Variants in FRMD4B observed in about 807,000 individuals in gnomAD.
FRMD4B encodes the protein FERM domain containing 4B.
A neutral mutation model predicts 141.5 loss-of-function variants in FRMD4B; 74 were observed. The observed-to-expected ratio is 0.52, with a 90% CI of 0.43 to 0.63. The LOEUF (loss-of-function observed/expected upper bound fraction) is 0.63. Among genes scored for constraint, FRMD4B ranks in the 30% least tolerant of loss-of-function variants. The pLI is 0.00. For synonymous variants in FRMD4B, 506 were observed against 467.9 expected, an observed-to-expected ratio of 1.08 and a Z score of -1.05; for missense variants, 1,366 against 1,253.4, an observed-to-expected ratio of 1.09 and a Z score of -1.36.
chr3:69,399,014 C>T (rs1399838829), intron 2 of FRMD4B, among the ~76,000 whole-genome samples: 1 of 151,896 alleles, frequency 6.6e-6, no homozygotes, highest in Non-Finnish European at 1.5e-5. Context: ...AGAAGTCATT[C>T]AAGGCACCAT....
chr3:69,440,819 T>C (rs1369282769), intron 1 of FRMD4B, among the ~76,000 whole-genome samples: 2 of 152,012 alleles, frequency 1.3e-5, no homozygotes, highest in Non-Finnish European at 2.9e-5. Context: ...AAAAAAAAAA[T>C]TCTTGAATAC....
chr3:69,224,155 C>T (rs1040388652), intron 8 of FRMD4B, among the ~76,000 whole-genome samples: 4 of 152,098 alleles, frequency 2.6e-5, no homozygotes, highest in African/African-American at 9.7e-5. Flanking sequence ...CACTAATGTA[C>T]AAACAACTAA....
chr3:69,329,295 A>T (rs1301210673), intron 1 of FRMD4B, among the ~76,000 whole-genome samples: 3 of 152,156 alleles, frequency 2.0e-5, no homozygotes, highest in Non-Finnish European at 4.4e-5. Context: ...TGTTGTGCAT[A>T]GAACTTGGCG....
At chr3:69,340,244 A>ACAT in intron 1 of FRMD4B, among the ~76,000 whole-genome samples, 1 of 151,910 alleles carries the variant, frequency 6.6e-6, no homozygotes, top group Non-Finnish European at 1.5e-5. Context: ...GGTTTGGTGT[A>ACAT]CAGATGATTT....
At chr3:69,500,039 G>C (rs1463703979) in intron 1 of FRMD4B, among the ~76,000 whole-genome samples, 3 of 152,204 alleles carry the variant, frequency 2.0e-5, no homozygotes, top group African/African-American at 7.2e-5. Context: ...AAGGACATCT[G>C]AACATCCCCA....
intron 2 of FRMD4B, among the ~76,000 whole-genome samples, chr3:69,423,646 C>T (rs1017785865): frequency 6.6e-6 from 1 of 152,092 alleles, no homozygotes; most frequent in East Asian, 1.9e-4. Flanking sequence ...GAGATAGGGC[C>T]TCTGGGACAT....
chr3:69,496,237 T>C (rs191765335), intron 1 of FRMD4B, among the ~76,000 whole-genome samples: 31 of 152,306 alleles, frequency 2.0e-4, no homozygotes, highest in Non-Finnish European at 4.4e-4. Flanking sequence ...ATGCAAGTTA[T>C]TGTGAATGCT....
chr3:69,396,254 C>T (rs1163659187), intron 2 of FRMD4B, among the ~76,000 whole-genome samples: 4 of 152,096 alleles, frequency 2.6e-5, no homozygotes. Flanking sequence ...TGCCTGTAAT[C>T]CCAGCACTCT....
chr3:69,448,011 A>T (rs142617650), intron 1 of FRMD4B, among the ~76,000 whole-genome samples: 1 of 148,992 alleles, frequency 6.7e-6, no homozygotes, highest in East Asian at 2.0e-4. Flanking sequence ...TCTCATGGAC[A>T]TTCCAATACA....
intron 7 of FRMD4B, among the ~76,000 whole-genome samples, chr3:69,243,230 C>A (rs1225906840): frequency 2.0e-5 from 3 of 152,102 alleles, no homozygotes; most frequent in African/African-American, 7.2e-5. Context: ...TTTCAGAGAG[C>A]AGGGTTTCCT....
chr3:69,171,916 C>T lies in FRMD4B; in HGVS notation c.3050G>A (p.Ser1017Asn), dbSNP rs2092591486. ...DGNQLEDNLE[S>N]SEQRLFWHED... ...ATGCCAAAAGAGTCTCTGCTCACTACTCTCCAGGTTGTCTTCCAGCTGGTT... is the reference window on the plus strand; with the variant it reads ...ATGCCAAAAGAGTCTCTGCTCACTATTCTCCAGGTTGTCTTCCAGCTGGTT... Residue 1017 changes from serine (S) to asparagine (N), a missense_variant, in exon 23 of 23, where the codon AGT becomes AAT. Ser to Asn is a conservative substitution (Grantham distance 46, BLOSUM62 1). Transcript: ENST00000398540. 3.1e-6 allele frequency: 5 copies of T among 1,613,052 alleles called. No individual in the cohort carries two copies. The highest frequency in any genetic ancestry group is 1.1e-5 in the South Asian group (1 of 91,082).
intron 1 of FRMD4B, among the ~76,000 whole-genome samples, chr3:69,472,733 G>A (rs1339786591): frequency 6.6e-6 from 1 of 152,054 alleles, no homozygotes; most frequent in Non-Finnish European, 1.5e-5. Context: ...GCTCTCCGCT[G>A]CAGAGAGGGG....
At chr3:69,506,158 C>A (rs775327611) in intron 1 of FRMD4B, among the ~76,000 whole-genome samples, 4 of 152,188 alleles carry the variant, frequency 2.6e-5, no homozygotes, top group Non-Finnish European at 4.4e-5. Flanking sequence ...AGACCATCCA[C>A]TGCAACCCCA....
chr3:69,214,051 G>A (rs1459022024), intron 11 of FRMD4B, among the ~76,000 whole-genome samples: 2 of 152,210 alleles, frequency 1.3e-5, no homozygotes, highest in African/African-American at 4.8e-5. Flanking sequence ...AGTATTGGAG[G>A]TGGGTGGCAG....
chr3:69,503,569 A>T (rs1706540855), intron 1 of FRMD4B, among the ~76,000 whole-genome samples: 1 of 151,330 alleles, frequency 6.6e-6, no homozygotes, highest in Non-Finnish European at 1.5e-5. Flanking sequence ...TAGCATTAGG[A>T]GATACACCTA....
intron 7 of FRMD4B, among the ~76,000 whole-genome samples, chr3:69,235,176 AT>A (rs1368320493): frequency 3.8e-5 from 5 of 131,222 alleles, no homozygotes; most frequent in Admixed American, 7.6e-5. Flanking sequence ...AATAATAATA[AT>A]AATAATAATA....
At chr3:69,457,042 G>A (rs568996396) in intron 1 of FRMD4B, among the ~76,000 whole-genome samples, 13 of 150,862 alleles carry the variant, frequency 8.6e-5, no homozygotes, top group African/African-American at 2.9e-4. Context: ...ACACACAAAC[G>A]TGTGTGTGTG....
chr3:69,343,978 A>C (rs1037290868), intron 1 of FRMD4B, among the ~76,000 whole-genome samples: 6 of 152,228 alleles, frequency 3.9e-5, no homozygotes, highest in Non-Finnish European at 7.3e-5. Flanking sequence ...TAATGGACCC[A>C]TAAGTATAGT....
In FRMD4B at chr3:69,249,230, T is replaced by C. The variant is rs2093445766; in HGVS notation, c.577A>G (p.Thr193Ala). The stretch of plus-strand genomic sequence containing the variant: ...ATCAGAAAAGAAAAGCATTACCTGG[T>C]ATAATCTCCCTTGGCTTCCTAAAAA... The part of the protein sequence containing the change: ...FILQEAKGDY[T>A]SDENARKDLK... The change falls in exon 7 of 23, where the codon ACC (threonine) becomes GCC (alanine). Residue 193 changes from threonine to alanine, a missense_variant. Physicochemically the swap from Thr to Ala is moderately conservative, Grantham distance 58. Coordinates refer to ENST00000398540, the MANE Select transcript of FRMD4B (RefSeq NM_015123.3). 1.3e-6 allele frequency: 2 copies of C among 1,571,166 alleles called. No individual in the cohort carries two copies. The highest frequency in any genetic ancestry group is 2.3e-5 in the East Asian group (1 of 44,352).
Sources: allele counts gnomAD v4.1 joint callset (sites outside exome capture counted in the v4.1 genomes callset), GRCh38; gene constraint gnomAD v4.1.1; transcripts MANE v1.5; gene names NCBI Gene and HGNC (gene_info 2026-07-23, HGNC 2026-07-21).